The following USP34 variants were observed in gnomAD, a reference collection of about 807,000 sequenced individuals.
USP34 encodes the protein ubiquitin specific peptidase 34.
A neutral mutation model predicts 460.3 loss-of-function variants in USP34; 70 were observed. The observed-to-expected ratio is 0.15, with a 90% CI of 0.13 to 0.19. The LOEUF (loss-of-function observed/expected upper bound fraction) is 0.19, where lower values mean the gene tolerates loss of function less well. USP34 is among the 10% of genes least tolerant of loss of function. USP34 has a pLI of 1.00. For synonymous variants in USP34, 1,647 were observed against 1,405.3 expected, an observed-to-expected ratio of 1.17 and a Z score of -3.85; for missense variants, 3,985 against 4,236.2, an observed-to-expected ratio of 0.94 and a Z score of 1.65.
intron 65 of USP34, 200 bp from the exon 66 acceptor site, chr2:61,221,806 G>A (rs941766803): frequency 3.6e-5 from 15 of 414,448 alleles, no homozygotes; most frequent in Middle Eastern, 6.0e-4. Context: ...CGGGAACCAC[G>A]TATGATAGAT....
At chr2:61,370,704 A>G (rs1004193095) in intron 8 of USP34, 125 bp from the exon 9 acceptor site, 1 of 734,312 alleles carries the variant, frequency 1.4e-6, no homozygotes, top group African/African-American at 1.8e-5. Context: ...AGATACAATC[A>G]GTTTTATAGA....
rs1270994315 is a variant in USP34 at position 61,411,928 on chromosome 2, C to T, written c.132-5800G>A. On this transcript the variant is annotated intron_variant, in intron 2 of 79. Coordinates refer to ENST00000398571, the MANE Select transcript of USP34 (RefSeq NM_014709.4). ...GTAAGGGCGGGCGTGGTGGCTCATG[C>T]CTGTAAATCCCAGCACTTTGGGAGG... 2.6e-5 allele frequency among the ~76,000 whole-genome samples: 4 copies of T among 152,050 alleles called. No homozygotes were observed. The East Asian group carries it at 7.7e-4, about 29-fold the overall frequency.
At chr2:61,318,249 A>G (rs1259300693) in intron 22 of USP34, among the ~76,000 whole-genome samples, 1 of 152,120 alleles carries the variant, frequency 6.6e-6, no homozygotes, top group Non-Finnish European at 1.5e-5. Flanking sequence ...TATTCAGGTA[A>G]TAACTGAAAT....
intron 10 of USP34, among the ~76,000 whole-genome samples, chr2:61,354,473 C>G (rs1356523592): frequency 6.6e-6 from 1 of 152,154 alleles, no homozygotes; most frequent in Non-Finnish European, 1.5e-5. Context: ...ACACTTACAC[C>G]TGCCCCATAA....
intron 43 of USP34, among the ~76,000 whole-genome samples, chr2:61,263,424 G>C (rs547847169): frequency 6.6e-6 from 1 of 151,066 alleles, no homozygotes; most frequent in Non-Finnish European, 1.5e-5. Flanking sequence ...CAGGTGATCC[G>C]CCCGCCTCGG....
chr2:61,271,438 A>G (rs533063368), intron 41 of USP34, among the ~76,000 whole-genome samples: 14 of 152,340 alleles, frequency 9.2e-5, no homozygotes, highest in Admixed American at 4.6e-4. Flanking sequence ...CAAATTTTGC[A>G]TAAGACAAAT....
chr2:61,299,121 G>C (rs565356604), intron 29 of USP34, among the ~76,000 whole-genome samples: 41 of 152,064 alleles, frequency 2.7e-4, no homozygotes, highest in African/African-American at 9.9e-4. Flanking sequence ...GTATTTCTTG[G>C]GAATTTAAGA....
intron 41 of USP34, among the ~76,000 whole-genome samples, chr2:61,266,977 G>C (rs781411100): frequency 3.9e-5 from 6 of 152,166 alleles, no homozygotes; most frequent in Admixed American, 2.0e-4. Context: ...CAACTATGGT[G>C]AGTTATCCAG....
intron 47 of USP34, 72 bp downstream of exon 47, chr2:61,256,801 G>T: frequency 8.7e-7 from 1 of 1,147,480 alleles, no homozygotes; most frequent in South Asian, 1.8e-5. Context: ...ATATCAAGAT[G>T]ACCAACACAA....
rs757684475 is a variant in USP34 at position 61,214,145 on chromosome 2, G to C, written c.8597C>G (p.Pro2866Arg). ...AGAAGCCAGTTGTCGTGTGAATGCA[G>C]GAGACTGCTCACAGCAGAGCCTCAG... ...GILRLCCEQS[P>R]AFTRQLASHQ... The change falls in exon 68 of 80, where the codon CCT becomes CGT. Residue 2866 changes from proline (P) to arginine (R), a missense_variant. Pro to Arg is a moderately radical substitution (Grantham distance 103, BLOSUM62 -2). Transcript: ENST00000398571. The C allele has an allele frequency of 7.4e-6, 12 of 1,614,128 alleles. No individual in the cohort carries two copies. The highest frequency in any genetic ancestry group is 9.3e-6 in the Non-Finnish European group (11 of 1,180,056).
intron 51 of USP34, among the ~76,000 whole-genome samples, chr2:61,243,006 C>T (rs936164922): frequency 6.6e-6 from 1 of 151,902 alleles, no homozygotes; most frequent in African/African-American, 2.4e-5. Flanking sequence ...TCAAACCTGG[C>T]TAATTTTTTG....
chr2:61,261,793 G>A (rs922713509), intron 43 of USP34, among the ~76,000 whole-genome samples: 1 of 152,034 alleles, frequency 6.6e-6, no homozygotes, highest in African/African-American at 2.4e-5. Context: ...GTACTTGCCA[G>A]AATCATATCA....
At chr2:61,467,202 C>G (rs1695796333) in intron 1 of USP34, among the ~76,000 whole-genome samples, 1 of 151,808 alleles carries the variant, frequency 6.6e-6, no homozygotes, top group South Asian at 2.1e-4. Context: ...ACTTGGGAGG[C>G]TGAGGCAGGA....
rs532423250 is a variant in USP34 at position 61,374,529 on chromosome 2, G to A, written c.1076+3834C>T. Among the ~76,000 whole-genome samples the A allele has an allele frequency of 2.6e-5, 4 of 152,198 alleles. No homozygotes were observed. The East Asian group carries it at 5.8e-4, about 22-fold the overall frequency. ...ACATTCCCACCTAAAGTCAAACAAGGTGGCACTCTCATCTTGCTTCAGAGC... is the reference window on the plus strand; with the variant it reads ...ACATTCCCACCTAAAGTCAAACAAGATGGCACTCTCATCTTGCTTCAGAGC... On this transcript the variant is annotated intron_variant, in intron 8 of 79. Transcript: ENST00000398571.
At chr2:61,346,334 G>C (rs1175594308) in intron 15 of USP34, 2 of 137,996 alleles carry the variant, frequency 1.4e-5, no homozygotes, top group African/African-American at 5.5e-5. Flanking sequence ...GGGCAACATA[G>C]CAATACTCTG....
At chr2:61,337,936 T>C (rs538304865) in intron 18 of USP34, among the ~76,000 whole-genome samples, 1 of 152,238 alleles carries the variant, frequency 6.6e-6, no homozygotes, top group Non-Finnish European at 1.5e-5. Flanking sequence ...TCACAAAGAC[T>C]TTTAAAAGAA....
intron 41 of USP34, among the ~76,000 whole-genome samples, chr2:61,275,292 A>G (rs1296401134): frequency 1.3e-5 from 2 of 152,198 alleles, no homozygotes; most frequent in East Asian, 1.9e-4. Context: ...GATAATAACA[A>G]TAATATTTTG....
chr2:61,235,984 A>G (rs1206904626), intron 56 of USP34, 42 bp downstream of exon 56: 1 of 1,598,486 alleles, frequency 6.3e-7, no homozygotes, highest in Non-Finnish European at 8.5e-7. Context: ...ATATCTGATA[A>G]AAACATAAAT....
At chr2:61,438,359 T>C (rs1274371471) in intron 1 of USP34, among the ~76,000 whole-genome samples, 2 of 151,960 alleles carry the variant, frequency 1.3e-5, no homozygotes, top group African/African-American at 4.8e-5. Flanking sequence ...ACGCCTGTAA[T>C]CCCAGCACTT....
Sources: allele counts gnomAD v4.1 joint callset (sites outside exome capture counted in the v4.1 genomes callset), GRCh38; gene constraint gnomAD v4.1.1; transcripts MANE v1.5; gene names NCBI Gene and HGNC (gene_info 2026-07-23, HGNC 2026-07-21).